The following EGFLAM variants were observed in gnomAD, a reference collection of about 807,000 sequenced individuals.
EGFLAM encodes the protein EGF like, fibronectin type III and laminin G domains.
EGFLAM carries 79 observed loss-of-function variants against 113.1 expected under a neutral mutation model. The ratio of observed to expected loss-of-function variants is 0.70; its 90% CI spans 0.58 to 0.84. The LOEUF (loss-of-function observed/expected upper bound fraction) is 0.84. EGFLAM is among the 40% of genes least tolerant of loss of function. EGFLAM has a pLI of 0.00. For synonymous variants in EGFLAM, 504 were observed against 487.6 expected (o/e 1.03, Z -0.44); for missense variants, 1,265 against 1,291.6 (o/e 0.98, Z 0.32).
chr5:38,315,789 G>A (rs1738577983), intron 1 of EGFLAM, among the ~76,000 whole-genome samples: 1 of 152,100 alleles, frequency 6.6e-6, no homozygotes. Flanking sequence ...AAATGCCTAA[G>A]CACAGGCCGG....
At chr5:38,426,064 C>A (rs943321554) in intron 13 of EGFLAM, among the ~76,000 whole-genome samples, 4 of 151,192 alleles carry the variant, frequency 2.6e-5, no homozygotes, top group Admixed American at 2.6e-4. Flanking sequence ...GATAGCACCA[C>A]TGTACTCCAA....
At chr5:38,260,620 A>C (rs924973697) in intron 1 of EGFLAM, among the ~76,000 whole-genome samples, 2 of 152,256 alleles carry the variant, frequency 1.3e-5, no homozygotes, top group Non-Finnish European at 2.9e-5. Context: ...ATACTTTGGC[A>C]TATTAATTAC....
At chr5:38,310,244 C>G (rs910385777) in intron 1 of EGFLAM, among the ~76,000 whole-genome samples, 2 of 152,154 alleles carry the variant, frequency 1.3e-5, no homozygotes, top group African/African-American at 2.4e-5. Context: ...TCTGAGGTTG[C>G]TTTCTTCAGA....
At chr5:38,336,695 T>G (rs568473723) in intron 1 of EGFLAM, among the ~76,000 whole-genome samples, 1 of 151,910 alleles carries the variant, frequency 6.6e-6, no homozygotes, top group East Asian at 1.9e-4. Flanking sequence ...AATATGACGC[T>G]CAAGGGAACT....
intron 6 of EGFLAM, among the ~76,000 whole-genome samples, chr5:38,387,763 T>C (rs1040608598): frequency 6.6e-6 from 1 of 152,274 alleles, no homozygotes; most frequent in African/African-American, 2.4e-5. Flanking sequence ...TGCTTGTATT[T>C]ATTTCGAAAA....
intron 13 of EGFLAM, among the ~76,000 whole-genome samples, chr5:38,425,383 T>C (rs1741968207): frequency 6.6e-6 from 1 of 152,130 alleles, no homozygotes; most frequent in Non-Finnish European, 1.5e-5. Flanking sequence ...CCCAGGCTGC[T>C]CTCAAACTCT....
At chr5:38,291,469 GT>G (rs1758329709) in intron 1 of EGFLAM, among the ~76,000 whole-genome samples, 1 of 152,000 alleles carries the variant, frequency 6.6e-6, no homozygotes, top group Non-Finnish European at 1.5e-5. Flanking sequence ...CCACTCCTGA[GT>G]AGGAACAGAA....
At chr5:38,377,397 G>A (rs748280828) in intron 6 of EGFLAM, among the ~76,000 whole-genome samples, 4 of 152,064 alleles carry the variant, frequency 2.6e-5, no homozygotes, top group South Asian at 2.1e-4. Flanking sequence ...TCCTGCCTCC[G>A]CCTCCCAAAG....
intron 6 of EGFLAM, among the ~76,000 whole-genome samples, chr5:38,404,360 G>C (rs1741211354): frequency 1.3e-5 from 2 of 152,156 alleles, no homozygotes; most frequent in Non-Finnish European, 2.9e-5. Context: ...AAAGGGGCTG[G>C]TTTGCCCTTT....
intron 11 of EGFLAM, among the ~76,000 whole-genome samples, chr5:38,417,584 C>T (rs2112160035): frequency 6.6e-6 from 1 of 152,146 alleles, no homozygotes; most frequent in Admixed American, 6.5e-5. Flanking sequence ...CCCCGTCCAC[C>T]CCAACAATGT....
chr5:38,314,115 T>C (rs72739099), intron 1 of EGFLAM, among the ~76,000 whole-genome samples: 8 of 152,370 alleles, frequency 5.3e-5, no homozygotes, highest in Non-Finnish European at 1.0e-4. Context: ...TTTACCAATA[T>C]ATACTTTTCT....
chr5:38,395,923 A>T lies in EGFLAM; in HGVS notation c.713-10203A>T, dbSNP rs370148855. Among the ~76,000 whole-genome samples the T allele has an allele frequency of 4.6e-5, 7 of 152,236 alleles. No homozygotes were observed. In the East Asian group the frequency reaches 9.7e-4, roughly 21 times the overall value. Reference sequence around the variant, plus strand: ...TTCATCTTTGCTTTTCTAGCAGATCATCCCCATAAGGACACAAACGTGTGT... The same window carrying T: ...TTCATCTTTGCTTTTCTAGCAGATCTTCCCCATAAGGACACAAACGTGTGT... On this transcript the variant is annotated intron_variant, in intron 6 of 21. Transcript: ENST00000322350.
At chr5:38,387,292 A>G (rs1008540069) in intron 6 of EGFLAM, among the ~76,000 whole-genome samples, 4 of 152,204 alleles carry the variant, frequency 2.6e-5, no homozygotes, top group African/African-American at 4.8e-5. Flanking sequence ...TAAAGGCCGT[A>G]TGATGGCCTG....
At chr5:38,395,420 A>C (rs1305690295) in intron 6 of EGFLAM, among the ~76,000 whole-genome samples, 2 of 151,624 alleles carry the variant, frequency 1.3e-5, no homozygotes, top group Non-Finnish European at 2.9e-5. Context: ...ACTAATTAAA[A>C]ATTTTTTTTT....
chr5:38,411,864 A>T (rs1741491110), intron 10 of EGFLAM, among the ~76,000 whole-genome samples: 1 of 151,830 alleles, frequency 6.6e-6, no homozygotes, highest in South Asian at 2.1e-4. Flanking sequence ...CAGTGGCTTG[A>T]TCTTGGCTCA....
intron 1 of EGFLAM, among the ~76,000 whole-genome samples, chr5:38,268,531 T>G (rs1268600909): frequency 6.6e-6 from 1 of 152,206 alleles, no homozygotes; most frequent in East Asian, 1.9e-4. Flanking sequence ...GTAGATTGTC[T>G]CTGATGCAGT....
chr5:38,288,829 A>G (rs1758234330), intron 1 of EGFLAM, among the ~76,000 whole-genome samples: 1 of 152,214 alleles, frequency 6.6e-6, no homozygotes, highest in Non-Finnish European at 1.5e-5. Context: ...GGCTCTGTAG[A>G]CCAGACATGT....
At chr5:38,321,899 G>C (rs1396411703) in intron 1 of EGFLAM, among the ~76,000 whole-genome samples, 1 of 152,146 alleles carries the variant, frequency 6.6e-6, no homozygotes. Flanking sequence ...TCGTTAAATA[G>C]GCTAACAAAT....
intron 10 of EGFLAM, among the ~76,000 whole-genome samples, chr5:38,411,466 C>G (rs1741475444): frequency 6.7e-6 from 1 of 149,792 alleles, no homozygotes; most frequent in South Asian, 2.1e-4. Context: ...GGATTAGCTA[C>G]TACCTTTCAT....
Sources: gnomAD v4.1 joint callset for allele counts (sites outside exome capture counted in the v4.1 genomes callset) on GRCh38, gnomAD v4.1.1 for gene constraint, MANE v1.5 for transcripts, NCBI Gene and HGNC (gene_info 2026-07-23, HGNC 2026-07-21) for gene names.